The following APBA1 variants were observed in gnomAD, a reference collection of about 807,000 sequenced individuals.
APBA1 encodes amyloid-beta A4 precursor protein-binding family A member 1.
APBA1 carries 55 observed loss-of-function variants against 86.6 expected under a neutral mutation model. That is an observed-to-expected ratio of 0.64 (90% CI 0.51 to 0.80). The LOEUF (loss-of-function observed/expected upper bound fraction) is 0.80, where lower values mean the gene tolerates loss of function less well. Among genes scored for constraint, APBA1 ranks in the 30% least tolerant of loss-of-function variants. The pLI is 0.00. For missense variants in APBA1, 1,090 were observed against 1,183.0 expected, an observed-to-expected ratio of 0.92 and a Z score of 1.15; for synonymous variants, 511 against 493.9, an observed-to-expected ratio of 1.03 and a Z score of -0.46.
At chr9:69,492,153 A>T (rs971394418) in intron 2 of APBA1, among the ~76,000 whole-genome samples, 1 of 152,124 alleles carries the variant, frequency 6.6e-6, no homozygotes, top group Admixed American at 6.5e-5. Flanking sequence ...CTTAAGGCCC[A>T]GCGTCTGGCA....
rs573819587 is a variant in APBA1, at chr9:69,615,259, T to TA, written c.-70+56893dup. ...CCTTCTATAGTTTACAGCAATTTTATAAAGTATATTTTTGTAAACAAATAT... is the reference window on the plus strand; with the variant it reads ...CCTTCTATAGTTTACAGCAATTTTATAAAAGTATATTTTTGTAAACAAATAT... On this transcript the variant is annotated intron_variant, in intron 1 of 12. Transcript: ENST00000265381. 2.0e-4 allele frequency among the ~76,000 whole-genome samples: 30 copies of TA among 152,364 alleles called. No homozygotes were observed. The East Asian group carries it at 5.6e-3, about 28-fold the overall frequency.
chr9:69,608,036 G>A (rs1305816199), intron 1 of APBA1, among the ~76,000 whole-genome samples: 2 of 152,112 alleles, frequency 1.3e-5, no homozygotes, highest in Non-Finnish European at 2.9e-5. Flanking sequence ...GGCACAGGAT[G>A]GAAACAAGCC....
chr9:69,476,138 C>A lies in APBA1; in HGVS notation c.1206G>T (p.Pro402=), dbSNP rs199574638. The A allele has an allele frequency of 3.1e-6, 5 of 1,612,288 alleles. No individual in the cohort carries two copies. In the South Asian group the frequency reaches 5.5e-5, roughly 18 times the overall value. The change falls in exon 3 of 13, where the codon CCG becomes CCT. Residue 402 remains proline, a synonymous_variant. Coordinates refer to ENST00000265381, the MANE Select transcript of APBA1 (RefSeq NM_001163.4). ...DDQRPMDGDS[P]SPGSSSPLGA... ...CCAAGGGGGAGGAGCTGCCAGGAGA[C>A]GGAGACTAGAACACAGCAAGAGGAA...
intron 3 of APBA1, 97 bp from the exon 4 acceptor site, chr9:69,471,792 A>C: frequency 1.1e-6 from 1 of 933,220 alleles, no homozygotes; most frequent in Non-Finnish European, 1.7e-6. Context: ...ATACATAATC[A>C]GTGGCAGTTA....
Position 69,660,512 on chromosome 9 carries a change from G to A in APBA1, c.-70+11641C>T, listed in dbSNP as rs572261498. Among the ~76,000 whole-genome samples, 11 of 152,222 alleles carry A rather than the reference G, an allele frequency of 7.2e-5. No homozygotes were observed. In the South Asian group the frequency reaches 1.7e-3, roughly 23 times the overall value. On this transcript the variant is annotated intron_variant, in intron 1 of 12. Coordinates refer to ENST00000265381, the MANE Select transcript of APBA1 (RefSeq NM_001163.4). ...TCATGCTGAAATGTTGGTTTTGTTT[G>A]TCTGTTTGCTTTTCCTCTCTGTCCT...
intron 8 of APBA1, among the ~76,000 whole-genome samples, chr9:69,455,298 G>C (rs758468243): frequency 3.3e-5 from 5 of 152,052 alleles, no homozygotes; most frequent in Admixed American, 6.5e-5. Context: ...TGGCCCTCAG[G>C]GGGTGGGTGA....
At chr9:69,442,868 T>TG (rs1263981050) in intron 10 of APBA1, among the ~76,000 whole-genome samples, 2 of 152,234 alleles carry the variant, frequency 1.3e-5, no homozygotes, top group African/African-American at 4.8e-5. Context: ...CCAAGGGCTC[T>TG]GTGGGGTCAG....
rs539420236 is a variant in APBA1, at chr9:69,511,074, G to A, written c.1200+4937C>T. Among the ~76,000 whole-genome samples the A allele has an allele frequency of 8.6e-5, 13 of 151,990 alleles. No homozygotes were observed. In the South Asian group the frequency reaches 1.7e-3, roughly 20 times the overall value. On this transcript the variant is annotated intron_variant, in intron 2 of 12. Transcript: ENST00000265381. ...AACAAAAGCCAAAATGGACAAATGG[G>A]ATCTAATTAAACTAAAGAGCTTCTG...
chr9:69,621,034 T>C (rs1292009869), intron 1 of APBA1, among the ~76,000 whole-genome samples: 2 of 152,196 alleles, frequency 1.3e-5, no homozygotes, highest in East Asian at 1.9e-4. Context: ...GGTGGGCAAG[T>C]TACACAACCT....
intron 2 of APBA1, among the ~76,000 whole-genome samples, chr9:69,501,632 ACACAC>A (rs1835881143): frequency 0.043 from 127 of 2,922 alleles, no homozygotes; most frequent in African/African-American, 0.082. Context: ...TCTACAAAAC[ACACAC>A]ACACACACAC....
At chr9:69,481,402 C>G (rs1378204549) in intron 2 of APBA1, among the ~76,000 whole-genome samples, 1 of 152,022 alleles carries the variant, frequency 6.6e-6, no homozygotes, top group Non-Finnish European at 1.5e-5. Context: ...ACCTAGGAAT[C>G]CAACTTACAA....
At chr9:69,441,646 C>T (rs1834826431) in intron 10 of APBA1, among the ~76,000 whole-genome samples, 1 of 152,142 alleles carries the variant, frequency 6.6e-6, no homozygotes, top group Non-Finnish European at 1.5e-5. Context: ...CTTCTTTCTG[C>T]CAGTTAGAGA....
At chr9:69,435,503 G>T (rs937748309) in intron 11 of APBA1, among the ~76,000 whole-genome samples, 12 of 152,072 alleles carry the variant, frequency 7.9e-5, no homozygotes, top group Non-Finnish European at 1.5e-4. Context: ...GGTGTGAGAT[G>T]GTATCTCATT....
At chr9:69,617,623 T>C (rs942349966) in intron 1 of APBA1, among the ~76,000 whole-genome samples, 2 of 152,094 alleles carry the variant, frequency 1.3e-5, no homozygotes, top group African/African-American at 4.8e-5. Flanking sequence ...GTTGAGAATA[T>C]GGGAATGTCA....
chr9:69,577,168 T>G (rs1356202069), intron 1 of APBA1, among the ~76,000 whole-genome samples: 1 of 152,220 alleles, frequency 6.6e-6, no homozygotes, highest in African/African-American at 2.4e-5. Flanking sequence ...GGAAACTATA[T>G]ATTATTGTTA....
chr9:69,431,424 G>T (rs777968222), intron 12 of APBA1, 26 bp from the exon 13 acceptor site: 26 of 1,604,386 alleles, frequency 1.6e-5, no homozygotes, highest in South Asian at 4.4e-5. Context: ...ACACTTTAGT[G>T]GGGGGCTGAG....
intron 1 of APBA1, among the ~76,000 whole-genome samples, chr9:69,665,928 A>G (rs1355580047): frequency 6.6e-6 from 1 of 152,096 alleles, no homozygotes. Context: ...TAGAGACAGC[A>G]TTTCGCCATG....
chr9:69,667,869 C>G (rs2134032441), intron 1 of APBA1, among the ~76,000 whole-genome samples: 1 of 152,094 alleles, frequency 6.6e-6, no homozygotes, highest in Middle Eastern at 3.4e-3. Context: ...TTCCACCTAC[C>G]ACAAAGACAA....
chr9:69,430,652 T>C lies in APBA1; in HGVS notation c.*675A>G, dbSNP rs1008502369. ...GGTAAAGCTTCAGATGCCCCATGAATTGCCAAGCTCTCTGTGACACTATGG... is the reference window on the plus strand; with the variant it reads ...GGTAAAGCTTCAGATGCCCCATGAACTGCCAAGCTCTCTGTGACACTATGG... On this transcript the variant is annotated 3_prime_UTR_variant, in exon 13 of 13. Transcript: ENST00000265381. The C allele has an allele frequency of 1.3e-5, 2 of 152,518 alleles. No homozygotes were observed. Among genetic ancestry groups the C allele is most frequent in the Non-Finnish European group, 1.5e-5 (1 of 68,042 alleles). The allele number at this position is 152,518 out of a possible 1,614,324, so 9.4% of individuals were successfully genotyped here.
Sources: gnomAD v4.1 joint callset for allele counts (sites outside exome capture counted in the v4.1 genomes callset) on GRCh38, gnomAD v4.1.1 for gene constraint, MANE v1.5 for transcripts, NCBI Gene and HGNC (gene_info 2026-07-23, HGNC 2026-07-21) for gene names.